CORO2B: variants seen among roughly 807,000 people sequenced by gnomAD.
CORO2B encodes coronin-2B.
A neutral mutation model predicts 58.8 loss-of-function variants in CORO2B; 26 were observed. That is an observed-to-expected ratio of 0.44 (90% CI 0.32 to 0.61). The LOEUF is 0.61. CORO2B is among the 20% of genes least tolerant of loss of function. The pLI is 0.04. For synonymous variants in CORO2B, 242 were observed against 253.8 expected (o/e 0.95, Z 0.44); for missense variants, 460 against 645.1 (o/e 0.71, Z 3.11).
Position 68,719,309 on chromosome 15 carries a change from C to T in CORO2B, c.1171+75C>T. On this transcript the variant is annotated intron_variant, in intron 10 of 11. Transcript: ENST00000261861. ...TTCAGCGCAGCTCACCCCAGTTCTC[C>T]TTGTCTGTCCCCCTGTTTGAACTTC... 6.3e-6 allele frequency: 10 copies of T among 1,598,134 alleles called. No individual in the cohort carries two copies. The South Asian group carries it at 7.7e-5, about 12-fold the overall frequency.
Position 68,711,610 on chromosome 15 carries a change from C to T in CORO2B, c.552C>T (p.Leu184=). 2 of 1,614,184 alleles carry T rather than the reference C, an allele frequency of 1.2e-6. No individual in the cohort carries two copies. Among genetic ancestry groups the T allele is most frequent in the African/African-American group, 1.3e-5 (1 of 75,060 alleles). The change falls in exon 5 of 12, where the codon CTC becomes CTT. Residue 184 remains leucine (L), a synonymous_variant. Coordinates refer to ENST00000261861, the MANE Select transcript of CORO2B (RefSeq NM_006091.5). The stretch of plus-strand genomic sequence containing the variant: ...TTGACTGCCACACGGATGTGATCCT[C>T]TGCATGTCCTTCAACACGGACGGCA... ...KMIDCHTDVI[L]CMSFNTDGSL... is the part of the protein sequence containing the mutation.
intron 2 of CORO2B, among the ~76,000 whole-genome samples, chr15:68,677,236 C>T (rs1271909539): frequency 6.6e-6 from 1 of 152,242 alleles, no homozygotes; most frequent in Non-Finnish European, 1.5e-5. Context: ...GAACCCCAAG[C>T]CCCATCACTA....
At chr15:68,705,747 G>C (rs951487123) in intron 3 of CORO2B, among the ~76,000 whole-genome samples, 4 of 152,108 alleles carry the variant, frequency 2.6e-5, no homozygotes, top group African/African-American at 9.7e-5. Flanking sequence ...AGGCTCCTAG[G>C]CAGAGCTGTC....
chr15:68,571,626 T>C, the CORO2B span, among the ~76,000 whole-genome samples: 1 of 152,262 alleles, frequency 6.6e-6, no homozygotes, highest in Non-Finnish European at 1.5e-5. Flanking sequence ...CAAGAATTTT[T>C]AATTACATTT....
intron 2 of CORO2B, among the ~76,000 whole-genome samples, chr15:68,646,971 T>C (rs1467162743): frequency 6.6e-6 from 1 of 152,162 alleles, no homozygotes; most frequent in African/African-American, 2.4e-5. Context: ...GGCCTGCAGG[T>C]CCCCAGGAAC....
chr15:68,568,445 T>C, the CORO2B span, among the ~76,000 whole-genome samples: 1 of 151,882 alleles, frequency 6.6e-6, no homozygotes, highest in Non-Finnish European at 1.5e-5. Context: ...CTCTGAGAGG[T>C]TGTCAGAGGG....
chr15:68,575,582 C>CCCCCCCT (rs1566975519), upstream of CORO2B, among the ~76,000 whole-genome samples: 1 of 96,738 alleles, frequency 1.0e-5, no homozygotes, highest in Non-Finnish European at 2.5e-5. Context: ...GATCTGCCCC[C>CCCCCCCT]GCCTCGGCCT....
At chr15:68,648,636 C>G (rs564284382) in intron 2 of CORO2B, among the ~76,000 whole-genome samples, 1 of 151,060 alleles carries the variant, frequency 6.6e-6, no homozygotes, top group Non-Finnish European at 1.5e-5. Flanking sequence ...GGCCACAGAG[C>G]GAGACTCCGT....
At chr15:68,607,158 T>C (rs1016976375) in intron 1 of CORO2B, among the ~76,000 whole-genome samples, 1 of 152,136 alleles carries the variant, frequency 6.6e-6, no homozygotes, top group African/African-American at 2.4e-5. Context: ...TGTTCCACCA[T>C]GTCTGGGGTC....
At chr15:68,547,787 A>G in the CORO2B span, among the ~76,000 whole-genome samples, 1 of 152,340 alleles carries the variant, frequency 6.6e-6, no homozygotes. Context: ...ACATACAGAC[A>G]TATGTTCCAT....
At chr15:68,632,201 C>T (rs373465371) in intron 1 of CORO2B, 12 of 985,388 alleles carry the variant, frequency 1.2e-5, no homozygotes, top group African/African-American at 5.2e-5. Context: ...ACTCCTTGGG[C>T]GCTATTCATC....
At chr15:68,587,686 T>C (rs1899601767) in intron 1 of CORO2B, among the ~76,000 whole-genome samples, 4 of 152,218 alleles carry the variant, frequency 2.6e-5, no homozygotes, top group Admixed American at 2.6e-4. Flanking sequence ...ATGCCAAGCA[T>C]ATACAATATG....
At chr15:68,720,152 C>A (rs1314318121) in intron 11 of CORO2B, among the ~76,000 whole-genome samples, 1 of 152,200 alleles carries the variant, frequency 6.6e-6, no homozygotes, top group East Asian at 1.9e-4. Context: ...AGACATAAGG[C>A]CTGATACAAC....
the CORO2B span, among the ~76,000 whole-genome samples, chr15:68,538,566 C>T: frequency 1.3e-5 from 2 of 152,202 alleles, no homozygotes; most frequent in African/African-American, 2.4e-5. Flanking sequence ...CCTTTTTTCT[C>T]TGCATGGTCA....
At position 68,695,164 on chromosome 15, in the gene CORO2B, C is replaced by T; in HGVS notation, c.241C>T (p.Pro81Ser). The T allele has an allele frequency of 6.2e-7, 1 of 1,613,990 alleles. No homozygotes were observed. The highest frequency in any genetic ancestry group is 8.5e-7 in the Non-Finnish European group (1 of 1,179,944). ...EQTGRIEPNYPKVCGHQGNVL... is the reference protein window; with the variant it reads ...EQTGRIEPNYSKVCGHQGNVL... Reference sequence around the variant, plus strand: ...GACAGGCAGGATTGAACCCAACTACCCCAAGGTCTGCGGCCACCAGGGCAA... The same window carrying T: ...GACAGGCAGGATTGAACCCAACTACTCCAAGGTCTGCGGCCACCAGGGCAA... Residue 81 changes from proline (P) to serine (S), a missense_variant, in exon 3 of 12, where the codon CCC becomes TCC. By Grantham distance (74) the Pro-to-Ser change is moderately conservative. Around this residue, in one of 2 missense-constraint regions of CORO2B, gnomAD observed 352 missense variants for 543.0 expected, o/e 0.65. Coordinates refer to ENST00000261861, the MANE Select transcript of CORO2B (RefSeq NM_006091.5).
At chr15:68,714,736 C>A in intron 7 of CORO2B, 73 bp downstream of exon 7, 1 of 1,164,798 alleles carries the variant, frequency 8.6e-7, no homozygotes, top group Non-Finnish European at 1.3e-6. Context: ...CTGCACCTGC[C>A]CCACCCCCTG....
At chr15:68,700,753 C>G (rs896441224) in intron 3 of CORO2B, among the ~76,000 whole-genome samples, 1 of 152,218 alleles carries the variant, frequency 6.6e-6, no homozygotes, top group Non-Finnish European at 1.5e-5. Context: ...AGGGCGCTAT[C>G]GGTTTCCAAG....
Position 68,661,419 on chromosome 15 carries a change from A to G in CORO2B, c.216+16059A>G, listed in dbSNP as rs901468890. Among the ~76,000 whole-genome samples, 11 of 152,328 alleles carry G rather than the reference A, an allele frequency of 7.2e-5. 1 individual carries two copies. The South Asian group carries it at 8.3e-4, about 11-fold the overall frequency. ...TTGTCCAATATCAAAAGAACTTTAA[A>G]AGGCAGTTTTTCAGGGACAAAACAT... On this transcript the variant is annotated intron_variant, in intron 2 of 11. Transcript: ENST00000261861.
At chr15:68,650,441 G>A (rs1048246980) in intron 2 of CORO2B, among the ~76,000 whole-genome samples, 3 of 145,788 alleles carry the variant, frequency 2.1e-5, no homozygotes, top group South Asian at 2.2e-4. Flanking sequence ...TGAAACCCCC[G>A]TCTCCACTAA....
Sources: allele counts gnomAD v4.1 joint callset (sites outside exome capture counted in the v4.1 genomes callset), GRCh38; gene constraint gnomAD v4.1.1; regional missense constraint gnomAD v4.1.1; transcripts MANE v1.5; gene names NCBI Gene and HGNC (gene_info 2026-07-23, HGNC 2026-07-21).